The following OXNAD1 variants were observed in gnomAD, a reference collection of about 807,000 sequenced individuals.
The protein encoded by OXNAD1 is oxidoreductase NAD binding domain containing 1, also known as oxidoreductase NAD-binding domain-containing protein 1.
OXNAD1 carries 34 observed loss-of-function variants against 32.9 expected under a neutral mutation model. That is an observed-to-expected ratio of 1.03 (90% CI 0.79 to 1.38). The LOEUF (loss-of-function observed/expected upper bound fraction) is 1.38. OXNAD1 is among the 40% of genes most tolerant of loss of function. The probability of loss-of-function intolerance (pLI) is 0.00; values close to 1 mark genes in which losing one functional copy is unlikely to be tolerated. For missense variants in OXNAD1, 407 were observed against 379.4 expected (o/e 1.07, Z -0.60); for synonymous variants, 134 against 135.2 (o/e 0.99, Z 0.06).
chr3:16,298,039 G>A lies in OXNAD1; in HGVS notation c.432+3042G>A, dbSNP rs534884889. On this transcript the variant is annotated intron_variant, in intron 6 of 8. Coordinates refer to ENST00000285083, the MANE Select transcript of OXNAD1 (RefSeq NM_138381.5). The surrounding 1 kb of genome is among the most constrained non-coding windows in gnomAD (Gnocchi z 5.1). The stretch of plus-strand genomic sequence containing the variant: ...CATAATATATTCTTGTGGTTTACAC[G>A]TCAAGTTGTGTCTGTCCAGGATAAC... Among the ~76,000 whole-genome samples the A allele has an allele frequency of 3.3e-5, 5 of 152,120 alleles. No individual in the cohort carries two copies. Among genetic ancestry groups the A allele is most frequent in the African/African-American group, 4.8e-5 (2 of 41,404 alleles).
In OXNAD1 at chr3:16,327,075, G is replaced by A. The variant is rs2069780229; in HGVS notation, c.*31-10037G>A. Among the ~76,000 whole-genome samples the A allele has an allele frequency of 1.3e-5, 2 of 152,186 alleles. No individual in the cohort carries two copies. The highest frequency in any genetic ancestry group is 2.4e-5 in the African/African-American group (1 of 41,438). On this transcript the variant is annotated intron_variant, in intron 9 of 9. Coordinates refer to the OXNAD1 transcript ENST00000435829. This position sits in a 1 kb window ranked among gnomAD's most constrained non-coding sequence, Gnocchi z 4.2. ...CTGCCAACATGGGATTTCCTTCTGG[G>A]CCCCATTTCAGTCTGTGATGTCAGC...
At chr3:16,278,938 G>A (rs2065546615) in intron 4 of OXNAD1, among the ~76,000 whole-genome samples, 1 of 152,180 alleles carries the variant, frequency 6.6e-6, no homozygotes, top group African/African-American at 2.4e-5. Context: ...ATGTCCCAAG[G>A]CTAACTTTTA....
At chr3:16,340,049 G>A (rs562898666), downstream of OXNAD1, among the ~76,000 whole-genome samples, 1 of 152,304 alleles carries the variant, frequency 6.6e-6, no homozygotes, top group East Asian at 1.9e-4. Flanking sequence ...GTATATTCAC[G>A]TATGAAAATT....
intron 4 of OXNAD1, chr3:16,275,597 C>T (rs983093549): frequency 6.3e-6 from 1 of 158,884 alleles, no homozygotes; most frequent in Non-Finnish European, 1.4e-5. Context: ...AGAAAAGAAT[C>T]TTCCATAGTT....
At position 16,289,080 on chromosome 3, in the gene OXNAD1, G is replaced by C. The variant is rs1237816686; in HGVS notation, c.290+2632G>C. On this transcript the variant is annotated intron_variant, in intron 5 of 8. Transcript: ENST00000285083. This position sits in a 1 kb window ranked among gnomAD's most constrained non-coding sequence, Gnocchi z 4.9. ...TTCTCATATCTTCAAAGAGGGAGCA[G>C]TAGTATTCCTACGTTTTGGGATATT... Among the ~76,000 whole-genome samples the C allele has an allele frequency of 1.3e-5, 2 of 152,228 alleles. No individual in the cohort carries two copies. The highest frequency in any genetic ancestry group is 2.9e-5 in the Non-Finnish European group (2 of 68,040).
At chr3:16,292,219 T>C in intron 5 of OXNAD1, among the ~76,000 whole-genome samples, 1 of 147,908 alleles carries the variant, frequency 6.8e-6, no homozygotes, top group African/African-American at 2.5e-5. Context: ...TGAAATGGAG[T>C]CTCACTCTGT....
At chr3:16,292,760 T>G (rs1490886256) in intron 5 of OXNAD1, among the ~76,000 whole-genome samples, 1 of 152,244 alleles carries the variant, frequency 6.6e-6, no homozygotes. Flanking sequence ...GTTCTCCCAG[T>G]GCCACTGTTG....
At position 16,317,938 on chromosome 3, in the gene OXNAD1, C is replaced by T. The variant is rs1229097124; in HGVS notation, c.*30+14346C>T. On this transcript the variant is annotated intron_variant, in intron 9 of 9. Coordinates refer to the OXNAD1 transcript ENST00000435829. This position sits in a 1 kb window ranked among gnomAD's most constrained non-coding sequence, Gnocchi z 4.3. The stretch of plus-strand genomic sequence containing the variant: ...AACCTGGGGGATTGTGACTGCATCA[C>T]AGCCCAAATTCTCCCTCTGCCCGCT... 1.3e-5 allele frequency among the ~76,000 whole-genome samples: 2 copies of T among 152,188 alleles called. No homozygotes were observed. Among genetic ancestry groups the T allele is most frequent in the Non-Finnish European group, 2.9e-5 (2 of 68,042 alleles).
chr3:16,313,857 G>GT lies in OXNAD1; in HGVS notation c.*30+10266dup, dbSNP rs574843971. ...TTCCATGTGTCAGTATTTTGACCTTGTGGCTATATGCACTTCAGAGCAATG... is the reference window on the plus strand; with the variant it reads ...TTCCATGTGTCAGTATTTTGACCTTGTTGGCTATATGCACTTCAGAGCAATG... On this transcript the variant is annotated intron_variant, in intron 9 of 9. Transcript: ENST00000435829. Among the ~76,000 whole-genome samples, 1,266 of 152,230 alleles carry GT rather than the reference G, an allele frequency of 8.3e-3. 13 individuals are homozygous for GT. The highest frequency in any genetic ancestry group is 0.012 in the Non-Finnish European group (833 of 67,998).
At chr3:16,319,655 C>T (rs2068822558) in intron 9 of OXNAD1, among the ~76,000 whole-genome samples, 1 of 152,220 alleles carries the variant, frequency 6.6e-6, no homozygotes, top group South Asian at 2.1e-4. Flanking sequence ...GGATGCCTGG[C>T]CACATCCAGT....
chr3:16,335,380 G>A lies in OXNAD1; in HGVS notation c.*31-1732G>A, dbSNP rs1244221236. Among the ~76,000 whole-genome samples the A allele has an allele frequency of 6.6e-6, 1 of 152,202 alleles. No homozygotes were observed. Among genetic ancestry groups the A allele is most frequent in the Non-Finnish European group, 1.5e-5 (1 of 68,034 alleles). The stretch of plus-strand genomic sequence containing the variant: ...AATCCTGCATGGGAAACAGGCTTAA[G>A]AAGGGAGTTTGTACCACATTTTCTT... On this transcript the variant is annotated intron_variant, in intron 9 of 9. Transcript: ENST00000435829. The surrounding 1 kb of genome is among the most constrained non-coding windows in gnomAD (Gnocchi z 4.7).
chr3:16,311,483 G>A (rs62233914), intron 9 of OXNAD1, among the ~76,000 whole-genome samples: 35,973 of 152,152 alleles, frequency 0.24, 5,936 homozygotes, highest in African/African-American at 0.48. Context: ...TTTGTCTAAT[G>A]TTGAATGTGT....
At chr3:16,266,305 A>G (rs1002476891) in intron 1 of OXNAD1, among the ~76,000 whole-genome samples, 23 of 152,212 alleles carry the variant, frequency 1.5e-4, no homozygotes, top group Admixed American at 1.2e-3. Context: ...TAACACATAT[A>G]CATAATATAT....
In OXNAD1 at chr3:16,342,519, A is replaced by G. The variant is rs1462251700; in HGVS notation, c.*31-6657A>G. On this transcript the variant is annotated intron_variant, in intron 9 of 9. Transcript: ENST00000606098. This position sits in a 1 kb window ranked among gnomAD's most constrained non-coding sequence, Gnocchi z 4.0. ...AATGTACATAGGTCTTTATGTGGAC[A>G]TATGTTTTCATTTCTCTTAAATATA... 2.0e-5 allele frequency among the ~76,000 whole-genome samples: 3 copies of G among 152,154 alleles called. No homozygotes were observed. Among genetic ancestry groups the G allele is most frequent in the Non-Finnish European group, 4.4e-5 (3 of 68,036 alleles).
At position 16,317,357 on chromosome 3, in the gene OXNAD1, A is replaced by G; in HGVS notation, c.*30+13765A>G. On this transcript the variant is annotated intron_variant, in intron 9 of 9. Coordinates refer to the OXNAD1 transcript ENST00000435829. This position sits in a 1 kb window ranked among gnomAD's most constrained non-coding sequence, Gnocchi z 4.3. ...AGACATACAATTCCCAGCATCCCCCAGCCAGGCAGTACAGGCACCAAACTT... is the reference window on the plus strand; with the variant it reads ...AGACATACAATTCCCAGCATCCCCCGGCCAGGCAGTACAGGCACCAAACTT... The G allele has an allele frequency of 9.8e-7, 1 of 1,023,882 alleles. No homozygotes were observed. Among genetic ancestry groups the G allele is most frequent in the Non-Finnish European group, 1.4e-6 (1 of 701,380 alleles). The allele number at this position is 1,023,882 out of a possible 1,614,324, so 63.4% of individuals were successfully genotyped here. A position where few individuals can be genotyped will look rare whatever the true frequency, so the allele number is the denominator to read the frequency against.
At chr3:16,323,958 T>C (rs2069378603) in intron 9 of OXNAD1, among the ~76,000 whole-genome samples, 1 of 152,176 alleles carries the variant, frequency 6.6e-6, no homozygotes, top group African/African-American at 2.4e-5. Flanking sequence ...AGGCGGGCCC[T>C]GCAAGGCAGT....
At chr3:16,315,878 CGTAA>C (rs2068334634) in intron 9 of OXNAD1, 1 of 152,168 alleles carries the variant, frequency 6.6e-6, no homozygotes. Flanking sequence ...GATTTATTGC[CGTAA>C]GTAACTAAAC....
rs1046129940 is a variant in OXNAD1 at position 16,289,872 on chromosome 3, A to G, written c.290+3424A>G. ...TATCATTGCCCATTTAATTGTATGT[A>G]TTTGTTAATTTTCCTCCTCTTAGAG... is the stretch of plus-strand genomic sequence containing the variant. On this transcript the variant is annotated intron_variant, in intron 5 of 8. Coordinates refer to ENST00000285083, the MANE Select transcript of OXNAD1 (RefSeq NM_138381.5). This position sits in a 1 kb window ranked among gnomAD's most constrained non-coding sequence, Gnocchi z 4.9. 1.3e-5 allele frequency among the ~76,000 whole-genome samples: 2 copies of G among 152,088 alleles called. No homozygotes were observed. The highest frequency in any genetic ancestry group is 2.9e-5 in the Non-Finnish European group (2 of 68,012).
Position 16,314,823 on chromosome 3 carries a change from AGT to A in OXNAD1, c.*30+11235_*30+11236del, listed in dbSNP as rs2068222046. Reference sequence around the variant, plus strand: ...TGGAACCGTTTGCTTTTCAAAGTTGAGTGTGGTGTTTTTGTCCTGGCCTGTTG... The same window carrying A: ...TGGAACCGTTTGCTTTTCAAAGTTGAGTGGTGTTTTTGTCCTGGCCTGTTG... On this transcript the variant is annotated intron_variant, in intron 9 of 9. Transcript: ENST00000435829. The surrounding 1 kb of genome is among the most constrained non-coding windows in gnomAD (Gnocchi z 4.4). 1 of 152,166 alleles carries A rather than the reference AGT, an allele frequency of 6.6e-6. No homozygotes were observed. 9.4% of individuals were successfully genotyped at this position (152,166 alleles called of 1,614,324 possible).
Sources: gnomAD v4.1 joint callset for allele counts (sites outside exome capture counted in the v4.1 genomes callset) on GRCh38, gnomAD v4.1.1 for gene constraint, Gnocchi (gnomAD v3.1) non-coding constraint, MANE v1.5 for transcripts, NCBI Gene and HGNC (gene_info 2026-07-23, HGNC 2026-07-21) for gene names.